The following CASK variants were observed in gnomAD, a reference collection of about 807,000 sequenced individuals.
CASK encodes peripheral plasma membrane protein CASK.
CASK carries 4 observed loss-of-function variants against 82.9 expected under a neutral mutation model. The ratio of observed to expected loss-of-function variants is 0.05; its 90% CI spans 0.02 to 0.11. The LOEUF (loss-of-function observed/expected upper bound fraction) is 0.11. Among genes scored for constraint, CASK ranks in the 10% least tolerant of loss-of-function variants. CASK has a pLI of 1.00. For synonymous variants in CASK, 259 were observed against 253.5 expected, an observed-to-expected ratio of 1.02 and a Z score of -0.20; for missense variants, 358 against 720.9, an observed-to-expected ratio of 0.50 and a Z score of 5.76.
At chrX:41,592,075 A>G (rs760604386) in intron 12 of CASK, among the ~76,000 whole-genome samples, 2 of 109,447 alleles carry the variant, frequency 1.8e-5, no homozygotes, top group East Asian at 5.8e-4. Context: ...GCATGGCAAA[A>G]CCCTGTCTCT....
At chrX:41,891,284 C>T (rs1272119961) in intron 1 of CASK, among the ~76,000 whole-genome samples, 4 of 79,778 alleles carry the variant, frequency 5.0e-5, no homozygotes, top group African/African-American at 1.5e-4. Context: ...AAAGGAGATA[C>T]TGAATTAAAT....
At chrX:41,884,889 A>G (rs2072020337) in intron 1 of CASK, among the ~76,000 whole-genome samples, 1 of 111,615 alleles carries the variant, frequency 9.0e-6, no homozygotes, top group Non-Finnish European at 1.9e-5. Context: ...TCAACCCTGG[A>G]ATGTTTAATT....
chrX:41,824,192 G>A (rs112341624), intron 2 of CASK, among the ~76,000 whole-genome samples: 1,150 of 111,361 alleles, frequency 0.01, 14 homozygotes, highest in African/African-American at 0.035. Flanking sequence ...TTAAAGGAGG[G>A]GGAAAAAAAA....
intron 19 of CASK, chrX:41,555,975 A>G (rs995470635): frequency 7.2e-5 from 12 of 166,832 alleles, no homozygotes; most frequent in Admixed American, 4.4e-4. Flanking sequence ...CAACTTAGTC[A>G]CTGCAACCAT....
chrX:41,896,285 A>G (rs1325503425), intron 1 of CASK, among the ~76,000 whole-genome samples: 1 of 112,230 alleles, frequency 8.9e-6, no homozygotes, highest in East Asian at 2.8e-4. Context: ...TCACTGAACA[A>G]GCCACAGTCA....
intron 5 of CASK, among the ~76,000 whole-genome samples, chrX:41,700,827 G>A (rs763741563): frequency 2.3e-4 from 23 of 100,165 alleles, no homozygotes; most frequent in African/African-American, 6.0e-4. Context: ...TGATCCGCCC[G>A]CCTTTGCCTT....
intron 9 of CASK, among the ~76,000 whole-genome samples, chrX:41,630,686 T>C (rs918776023): frequency 1.8e-5 from 2 of 111,536 alleles, no homozygotes; most frequent in Non-Finnish European, 3.8e-5. Context: ...GGAAATATAC[T>C]GAGGGGAGAA....
At position 41,754,878 on chromosome X, in the gene CASK, G is replaced by GTT. The variant is rs869108372; in HGVS notation, c.279-9279_279-9278dup. Among the ~76,000 whole-genome samples the GTT allele has an allele frequency of 4.4e-3, 415 of 94,195 alleles. 5 individuals carry two copies. Among genetic ancestry groups the GTT allele is most frequent in the African/African-American group, 0.014 (365 of 25,828 alleles). The allele number at this position is 94,195 out of a possible 115,157, so 81.8% of individuals were successfully genotyped here. ...TAGGCCTAGATGCCATTTCTGACAA[G>GTT]TTTTTTTTTTTTTTTTTTTGAGATG... is the stretch of plus-strand genomic sequence containing the variant. On this transcript the variant is annotated intron_variant, in intron 3 of 26. Transcript: ENST00000378163.
intron 2 of CASK, among the ~76,000 whole-genome samples, chrX:41,830,649 T>C (rs1299091043): frequency 9.4e-6 from 1 of 106,474 alleles, no homozygotes; most frequent in Non-Finnish European, 1.9e-5. Flanking sequence ...TGAAACCCCG[T>C]CTCTACTAAA....
chrX:41,827,845 G>A (rs2070698403), intron 2 of CASK, among the ~76,000 whole-genome samples: 1 of 111,854 alleles, frequency 8.9e-6, no homozygotes, highest in Non-Finnish European at 1.9e-5. Flanking sequence ...CTACTCTCCT[G>A]TAGCTTTATT....
At chrX:41,863,755 C>G (rs941938302) in intron 1 of CASK, among the ~76,000 whole-genome samples, 1 of 112,211 alleles carries the variant, frequency 8.9e-6, no homozygotes, top group African/African-American at 3.2e-5. Context: ...TCCTTCTCTA[C>G]TAGTGTTCAT....
intron 5 of CASK, among the ~76,000 whole-genome samples, chrX:41,717,743 G>GA (rs1407888219): frequency 8.9e-6 from 1 of 111,954 alleles, no homozygotes; most frequent in Admixed American, 9.5e-5. Context: ...ATTACTGATT[G>GA]AATGAGATTC....
chrX:41,865,004 A>C (rs2071564372), intron 1 of CASK, among the ~76,000 whole-genome samples: 1 of 112,173 alleles, frequency 8.9e-6, no homozygotes, highest in African/African-American at 3.2e-5. Flanking sequence ...TTAGGGGAAA[A>C]AATTTGAAAA....
At chrX:41,907,736 T>C (rs939556507) in intron 1 of CASK, among the ~76,000 whole-genome samples, 1 of 111,579 alleles carries the variant, frequency 9.0e-6, no homozygotes, top group African/African-American at 3.3e-5. Context: ...TGGCACTATT[T>C]CAATGGCTTA....
intron 5 of CASK, among the ~76,000 whole-genome samples, chrX:41,677,519 G>T (rs1203795995): frequency 1.8e-5 from 2 of 112,000 alleles, no homozygotes; most frequent in Non-Finnish European, 3.8e-5. Context: ...TGAGAACTGA[G>T]AACTGACCAT....
At chrX:41,827,698 C>A (rs1389627796) in intron 2 of CASK, among the ~76,000 whole-genome samples, 2 of 112,015 alleles carry the variant, frequency 1.8e-5, no homozygotes, top group Admixed American at 1.9e-4. Flanking sequence ...ATTTTATCAG[C>A]CACCCTGCTG....
chrX:41,846,938 T>C (rs1163286961), intron 2 of CASK, among the ~76,000 whole-genome samples: 1 of 111,581 alleles, frequency 9.0e-6, no homozygotes, highest in African/African-American at 3.3e-5. Context: ...ACTTTGAATG[T>C]TATCCTGTTG....
chrX:41,635,466 A>G (rs748690568), intron 9 of CASK, among the ~76,000 whole-genome samples: 17 of 111,944 alleles, frequency 1.5e-4, no homozygotes, highest in African/African-American at 5.5e-4. Context: ...CTAATCAACC[A>G]CTTAGAGAAC....
chrX:41,520,734 A>T (rs1334507053), intron 26 of CASK, 138 bp from the exon 27 acceptor site: 1 of 534,071 alleles, frequency 1.9e-6, no homozygotes, highest in African/African-American at 2.3e-5. Flanking sequence ...CCAGACCCTG[A>T]TATGCCATAT....
Sources: gnomAD v4.1 joint callset for allele counts (sites outside exome capture counted in the v4.1 genomes callset) on GRCh38, gnomAD v4.1.1 for gene constraint, MANE v1.5 for transcripts, NCBI Gene and HGNC (gene_info 2026-07-23, HGNC 2026-07-21) for gene names.